The following FLNB variants were observed in gnomAD, a reference collection of about 807,000 sequenced individuals.
FLNB encodes the protein filamin B, also known as filamin-B.
FLNB carries 111 observed loss-of-function variants against 250.6 expected under a neutral mutation model. The ratio of observed to expected loss-of-function variants is 0.44; its 90% CI spans 0.38 to 0.52. The LOEUF (loss-of-function observed/expected upper bound fraction) is 0.52, where lower values mean the gene tolerates loss of function less well. FLNB is among the 20% of genes least tolerant of loss of function. The pLI, the probability that FLNB is intolerant of heterozygous loss-of-function variation, is 0.00. For missense variants in FLNB, 2,869 were observed against 3,447.8 expected (o/e 0.83, Z 4.20); for synonymous variants, 1,302 against 1,372.1 (o/e 0.95, Z 1.13).
At chr3:58,108,662 G>A in intron 13 of FLNB, 91 bp downstream of exon 13, 2 of 796,072 alleles carry the variant, frequency 2.5e-6, no homozygotes, top group Non-Finnish European at 4.4e-6. Context: ...CTGATCTTCA[G>A]TTTCCTCATC....
intron 20 of FLNB, among the ~76,000 whole-genome samples, chr3:58,122,361 C>T (rs960061452): frequency 2.6e-4 from 40 of 151,012 alleles, no homozygotes; most frequent in African/African-American, 9.0e-4. Flanking sequence ...GGTGTGGTGA[C>T]GCATGCCTGT....
At chr3:58,079,784 C>T (rs1021251631) in intron 3 of FLNB, among the ~76,000 whole-genome samples, 1 of 152,178 alleles carries the variant, frequency 6.6e-6, no homozygotes, top group Non-Finnish European at 1.5e-5. Flanking sequence ...AGTTAGGCAC[C>T]ATGAGTCCCG....
Position 58,169,431 on chromosome 3 carries a change from A to G in FLNB, c.7418-159A>G. Reference sequence around the variant, plus strand: ...TATGGGGGTGGGATCCTAGGGGTTTAGAAGACATTATGGGTGTGAGATACA... The same window carrying G: ...TATGGGGGTGGGATCCTAGGGGTTTGGAAGACATTATGGGTGTGAGATACA... On this transcript the variant is annotated intron_variant, in intron 44 of 45. Transcript: ENST00000295956. This position sits in a 1 kb window ranked among gnomAD's most constrained non-coding sequence, Gnocchi z 4.8. 1 of 687,480 alleles carries G rather than the reference A, an allele frequency of 1.5e-6. No individual in the cohort carries two copies. 42.6% of individuals were successfully genotyped at this position (687,480 alleles called of 1,614,324 possible). A position where few individuals can be genotyped will look rare whatever the true frequency, so the allele number is the denominator to read the frequency against.
At chr3:58,020,834 A>G (rs1449430895) in intron 1 of FLNB, among the ~76,000 whole-genome samples, 2 of 151,892 alleles carry the variant, frequency 1.3e-5, no homozygotes, top group African/African-American at 2.4e-5. Context: ...CACTATGTAA[A>G]TTTGCCGCAA....
intron 1 of FLNB, among the ~76,000 whole-genome samples, chr3:58,040,950 T>C (rs923307762): frequency 6.6e-6 from 1 of 152,248 alleles, no homozygotes; most frequent in Admixed American, 6.5e-5. Context: ...TTGATCATTA[T>C]AGAAACTTAA....
intron 42 of FLNB, among the ~76,000 whole-genome samples, chr3:58,161,628 C>A (rs755921493): frequency 7.9e-5 from 12 of 152,216 alleles, no homozygotes; most frequent in Non-Finnish European, 1.8e-4. Flanking sequence ...AATAAAGGGG[C>A]CCAGTAAGTT....
At chr3:58,105,287 TG>T in intron 11 of FLNB, 71 bp downstream of exon 11, 1 of 1,597,560 alleles carries the variant, frequency 6.3e-7, no homozygotes. Context: ...TGTGTCAGGC[TG>T]GATGTTGGGG....
At chr3:58,092,595 G>A (rs904113160) in intron 4 of FLNB, among the ~76,000 whole-genome samples, 2 of 152,138 alleles carry the variant, frequency 1.3e-5, no homozygotes, top group East Asian at 1.9e-4. Flanking sequence ...GCAGTGAGCC[G>A]TAATTGTGCC....
At chr3:58,081,990 C>T (rs977099823) in intron 4 of FLNB, among the ~76,000 whole-genome samples, 2 of 152,160 alleles carry the variant, frequency 1.3e-5, no homozygotes, top group African/African-American at 4.8e-5. Flanking sequence ...ATGGAAAGGG[C>T]AAGTTTGCTG....
intron 1 of FLNB, among the ~76,000 whole-genome samples, chr3:58,061,248 T>C (rs930235652): frequency 2.6e-5 from 4 of 152,340 alleles, no homozygotes; most frequent in South Asian, 4.1e-4. Flanking sequence ...ATATTACTTC[T>C]GTAGTACCCT....
chr3:58,144,284 G>A (rs1372035655), intron 32 of FLNB, among the ~76,000 whole-genome samples: 1 of 151,922 alleles, frequency 6.6e-6, no homozygotes, highest in Non-Finnish European at 1.5e-5. Flanking sequence ...TGGAGATAGG[G>A]TCTCACTGTG....
At chr3:58,055,665 T>C (rs1387172188) in intron 1 of FLNB, among the ~76,000 whole-genome samples, 1 of 152,214 alleles carries the variant, frequency 6.6e-6, no homozygotes, top group Non-Finnish European at 1.5e-5. Context: ...AATTTTGAAG[T>C]CCTTTTACTT....
At position 58,121,120 on chromosome 3, in the gene FLNB, TTGC is replaced by T. The variant is rs550970253; in HGVS notation, c.2864-119_2864-117del. 252 of 1,251,846 alleles carry T rather than the reference TTGC, an allele frequency of 2.0e-4. No homozygotes were observed. The African/African-American group carries it at 3.4e-3, about 17-fold the overall frequency. 77.5% of individuals were successfully genotyped at this position (1,251,846 alleles called of 1,614,324 possible). A position where few individuals can be genotyped will look rare whatever the true frequency, so the allele number is the denominator to read the frequency against. Reference sequence around the variant, plus strand: ...TGCTGCTTGTCCTCTGCAGCAGCTGTTGCTTACAGTGGAGGCTGAGATAAGTCC... The same window carrying T: ...TGCTGCTTGTCCTCTGCAGCAGCTGTTTACAGTGGAGGCTGAGATAAGTCC... On this transcript the variant is annotated intron_variant, in intron 19 of 45. Coordinates refer to ENST00000295956, the MANE Select transcript of FLNB (RefSeq NM_001457.4).
chr3:58,130,849 C>T lies in FLNB; in HGVS notation c.4331C>T (p.Thr1444Met). Reference sequence around the variant, plus strand: ...CGAGCCCGTGTCCTGCAGTCCTTCACGGTGGACAGCAGCAAGGCTGGCCTG... The same window carrying T: ...CGAGCCCGTGTCCTGCAGTCCTTCATGGTGGACAGCAGCAAGGCTGGCCTG... ...GVRARVLQSF[T>M]VDSSKAGLAP... Residue 1444 changes from threonine (T) to methionine (M), a missense_variant, in exon 25 of 46, where the codon ACG (threonine) becomes ATG (methionine). Thr to Met is a moderately conservative substitution (Grantham distance 81). Coordinates refer to ENST00000295956, the MANE Select transcript of FLNB (RefSeq NM_001457.4). 2.5e-6 allele frequency: 4 copies of T among 1,613,342 alleles called. No homozygotes were observed. Among genetic ancestry groups the T allele is most frequent in the Non-Finnish European group, 3.4e-6 (4 of 1,179,798 alleles).
At chr3:58,126,432 G>A (rs2097297971) in intron 23 of FLNB, among the ~76,000 whole-genome samples, 170 bp from the exon 24 acceptor site, 1 of 152,166 alleles carries the variant, frequency 6.6e-6, no homozygotes, top group Non-Finnish European at 1.5e-5. Context: ...GGGTCAGAGT[G>A]TCTTTACTTA....
intron 1 of FLNB, among the ~76,000 whole-genome samples, chr3:58,040,676 G>A (rs929416887): frequency 2.0e-5 from 3 of 152,154 alleles, no homozygotes; most frequent in Admixed American, 2.0e-4. Flanking sequence ...TGTATTTTTA[G>A]TAGAGACGGG....
chr3:58,091,722 G>C (rs2097227860), intron 4 of FLNB, among the ~76,000 whole-genome samples: 1 of 152,110 alleles, frequency 6.6e-6, no homozygotes, highest in Admixed American at 6.6e-5. Flanking sequence ...GGTACATGGT[G>C]GTTGGCCTTT....
intron 18 of FLNB, among the ~76,000 whole-genome samples, chr3:58,118,035 T>C (rs2097281881): frequency 6.6e-6 from 1 of 152,100 alleles, no homozygotes; most frequent in Non-Finnish European, 1.5e-5. Context: ...AGCCATGAGA[T>C]TTCTTGGAGC....
intron 4 of FLNB, among the ~76,000 whole-genome samples, chr3:58,088,069 T>G (rs1241943260): frequency 1.4e-5 from 2 of 142,294 alleles, no homozygotes; most frequent in East Asian, 4.6e-4. Context: ...TTGCTGAAGT[T>G]TCACTTCTGT....
Sources: allele counts gnomAD v4.1 joint callset (sites outside exome capture counted in the v4.1 genomes callset), GRCh38; gene constraint gnomAD v4.1.1; non-coding constraint Gnocchi (gnomAD v3.1); transcripts MANE v1.5; gene names NCBI Gene and HGNC (gene_info 2026-07-23, HGNC 2026-07-21).